ANKS1B: variants seen among roughly 807,000 people sequenced by gnomAD.
The protein encoded by ANKS1B is ankyrin repeat and sterile alpha motif domain-containing protein 1B.
Under a neutral mutation model 148.3 loss-of-function variants are expected in ANKS1B, and 36 were observed. The observed-to-expected ratio is 0.24, with a 90% CI of 0.19 to 0.32. ANKS1B has a LOEUF of 0.32. Ranked by LOEUF, ANKS1B falls within the 10% of genes least tolerant of loss-of-function variation. The pLI, the probability that ANKS1B is intolerant of heterozygous loss-of-function variation, is 1.00. For missense variants in ANKS1B, 1,157 were observed against 1,542.6 expected, an observed-to-expected ratio of 0.75 and a Z score of 4.19; for synonymous variants, 542 against 560.8, an observed-to-expected ratio of 0.97 and a Z score of 0.47.
chr12:99,681,022 A>T (rs944863962), intron 8 of ANKS1B, among the ~76,000 whole-genome samples: 2 of 152,132 alleles, frequency 1.3e-5, no homozygotes, highest in Non-Finnish European at 2.9e-5. Context: ...GAGCTCAGAC[A>T]CACCTAACCC....
chr12:99,371,521 G>A (rs1468853745), intron 12 of ANKS1B, among the ~76,000 whole-genome samples: 1 of 151,856 alleles, frequency 6.6e-6, no homozygotes, highest in Admixed American at 6.6e-5. Context: ...CTCTTGGTAT[G>A]TGTCAACTTG....
At chr12:99,107,541 G>A (rs889974948) in intron 15 of ANKS1B, among the ~76,000 whole-genome samples, 1 of 152,210 alleles carries the variant, frequency 6.6e-6, no homozygotes, top group Admixed American at 6.5e-5. Flanking sequence ...TTAGGCCAAA[G>A]TAGAGGATAA....
chr12:99,104,945 T>C (rs1352134741), intron 15 of ANKS1B: 1 of 152,224 alleles, frequency 6.6e-6, no homozygotes, highest in Non-Finnish European at 1.5e-5. Context: ...TTGTTCAGTA[T>C]TTTATCCCCA....
At chr12:98,779,331 C>G (rs1265898404) in intron 24 of ANKS1B, among the ~76,000 whole-genome samples, 1 of 152,152 alleles carries the variant, frequency 6.6e-6, no homozygotes, top group Non-Finnish European at 1.5e-5. Context: ...ACCGGCAGAG[C>G]TCTCTTTCAT....
chr12:99,079,111 T>C (rs1410876635), intron 16 of ANKS1B, among the ~76,000 whole-genome samples: 2 of 152,154 alleles, frequency 1.3e-5, no homozygotes, highest in Non-Finnish European at 2.9e-5. Context: ...AAGTAGATCC[T>C]CTTGACTTGA....
In ANKS1B at chr12:99,747,054, C is replaced by T. The variant is rs114612953; in HGVS notation, c.1128+25868G>A. Among the ~76,000 whole-genome samples the T allele has an allele frequency of 3.9e-3, 593 of 152,076 alleles. 5 individuals carry two copies. Among genetic ancestry groups the T allele is most frequent in the African/African-American group, 0.014 (561 of 41,496 alleles). ...CATATTCCCTATATTCTTCACACTC[C>T]CAAAAATGGGACCCTTCAAAGGCTC... On this transcript the variant is annotated intron_variant, in intron 8 of 26. Transcript: ENST00000683438.
intron 9 of ANKS1B, among the ~76,000 whole-genome samples, chr12:99,626,409 G>C (rs2098113114): frequency 6.6e-6 from 1 of 152,076 alleles, no homozygotes; most frequent in Non-Finnish European, 1.5e-5. Flanking sequence ...CTTGTTCTTT[G>C]CATCATCACT....
intron 1 of ANKS1B, among the ~76,000 whole-genome samples, chr12:99,869,780 A>C (rs2091257577): frequency 6.6e-6 from 1 of 152,062 alleles, no homozygotes. Flanking sequence ...AAAAATGAAA[A>C]CTGCTATATG....
intron 9 of ANKS1B, among the ~76,000 whole-genome samples, chr12:99,531,254 C>G (rs1479095675): frequency 6.6e-6 from 1 of 152,120 alleles, no homozygotes; most frequent in African/African-American, 2.4e-5. Flanking sequence ...TTATTGTTAG[C>G]TACTTTTGTT....
Position 99,393,469 on chromosome 12 carries a change from T to C in ANKS1B, c.1756+6162A>G, listed in dbSNP as rs950367728. 5.3e-5 allele frequency among the ~76,000 whole-genome samples: 8 copies of C among 152,190 alleles called. No homozygotes were observed. The South Asian group carries it at 6.2e-4, about 12-fold the overall frequency. ...TAGAAGAAGTGAACTCAGATAAAGG[T>C]GATCTATATTACAATGTGTTAAACA... On this transcript the variant is annotated intron_variant, in intron 12 of 26. Coordinates refer to ENST00000683438, the MANE Select transcript of ANKS1B (RefSeq NM_001352186.2).
At chr12:99,771,056 C>A (rs1395405072) in intron 8 of ANKS1B, among the ~76,000 whole-genome samples, 1 of 152,108 alleles carries the variant, frequency 6.6e-6, no homozygotes, top group East Asian at 1.9e-4. Flanking sequence ...TATTATCACT[C>A]TCTCAAAGTC....
At chr12:99,956,557 G>T (rs1288044550) in intron 1 of ANKS1B, among the ~76,000 whole-genome samples, 1 of 152,116 alleles carries the variant, frequency 6.6e-6, no homozygotes, top group East Asian at 1.9e-4. Context: ...AAAAATCTTT[G>T]CTTCTCAGTT....
chr12:99,266,041 G>A (rs893391819), intron 12 of ANKS1B, among the ~76,000 whole-genome samples: 9 of 152,050 alleles, frequency 5.9e-5, no homozygotes, highest in African/African-American at 1.9e-4. Context: ...TCATTTCCAA[G>A]GTAATACAGA....
chr12:99,246,792 T>C lies in ANKS1B; in HGVS notation c.1829A>G (p.His610Arg), dbSNP rs1398123724. The change falls in exon 13 of 27, where the codon CAT (histidine) becomes CGT (arginine). Residue 610 changes from histidine (H) to arginine (R), a missense_variant. Transcript: ENST00000683438. ...YDPGQFAGLLHGSSPACESPE... is the reference protein window; with the variant it reads ...YDPGQFAGLLRGSSPACESPE... ...GGACTCACAGGCTGGAGAGGATCCA[T>C]GGAGCAGGCCTGCAAATTGCCCAGG... The C allele has an allele frequency of 8.7e-6, 14 of 1,613,498 alleles. No homozygotes were observed. The highest frequency in any genetic ancestry group is 1.2e-5 in the Non-Finnish European group (14 of 1,179,822).
At chr12:99,583,024 G>A (rs1035389861) in intron 9 of ANKS1B, among the ~76,000 whole-genome samples, 2 of 152,088 alleles carry the variant, frequency 1.3e-5, no homozygotes, top group Non-Finnish European at 2.9e-5. Flanking sequence ...ATCTAGATAT[G>A]AGAAATGCTT....
chr12:98,780,733 T>C (rs1265947548), intron 24 of ANKS1B, among the ~76,000 whole-genome samples: 1 of 152,208 alleles, frequency 6.6e-6, no homozygotes, highest in Non-Finnish European at 1.5e-5. Context: ...TCTCCTCTGA[T>C]GGAGGAGTGA....
chr12:99,648,049 AG>A (rs2098388636), intron 9 of ANKS1B: 1 of 1,357,300 alleles, frequency 7.4e-7, no homozygotes, highest in South Asian at 1.5e-5. Context: ...GGGACAAAAA[AG>A]AAAGCCTGCA....
intron 1 of ANKS1B, among the ~76,000 whole-genome samples, chr12:99,854,415 C>T (rs1001206870): frequency 5.3e-5 from 8 of 152,142 alleles, no homozygotes; most frequent in Admixed American, 2.0e-4. Context: ...TTAACCAAAC[C>T]TACGAATAAT....
At position 98,745,375 on chromosome 12, in the gene ANKS1B, C is replaced by CTCTTTT. The variant is rs1358559114; in HGVS notation, c.*363_*364insAAAAGA. On this transcript the variant is annotated 3_prime_UTR_variant, in exon 27 of 27. Coordinates refer to ENST00000683438, the MANE Select transcript of ANKS1B (RefSeq NM_001352186.2). ...TAGGCAGTATTAGAGATCCCCTTTA[C>CTCTTTT]TTTTTTTTTTTTTTTTTTTTTTTTA... 7,247 of 910,708 alleles carry CTCTTTT rather than the reference C, an allele frequency of 8.0e-3. 9 individuals are homozygous for CTCTTTT. Among genetic ancestry groups the CTCTTTT allele is most frequent in the African/African-American group, 0.01 (437 of 41,844 alleles). The allele number at this position is 910,708 out of a possible 1,614,324, so 56.4% of individuals were successfully genotyped here.
Sources: allele counts gnomAD v4.1 joint callset (sites outside exome capture counted in the v4.1 genomes callset), GRCh38; gene constraint gnomAD v4.1.1; transcripts MANE v1.5; gene names NCBI Gene and HGNC (gene_info 2026-07-23, HGNC 2026-07-21).